Variants in ACSBG2 observed in about 807,000 individuals in gnomAD.
ACSBG2 encodes acyl-CoA synthetase bubblegum family member 2, also known as long-chain-fatty-acid--CoA ligase ACSBG2.
ACSBG2 carries 62 observed loss-of-function variants against 74.7 expected under a neutral mutation model. That is an observed-to-expected ratio of 0.83 (90% confidence interval 0.68 to 1.03). ACSBG2 has a LOEUF of 1.03. Among genes scored for constraint, ACSBG2 ranks in the 50% least tolerant of loss-of-function variants. ACSBG2 has a pLI of 0.00. For synonymous variants in ACSBG2, 309 were observed against 294.1 expected, an observed-to-expected ratio of 1.05 and a Z score of -0.52; for missense variants, 730 against 817.6, an observed-to-expected ratio of 0.89 and a Z score of 1.31.
chr19:6,173,089 C>T (rs2090004968), intron 7 of ACSBG2, among the ~76,000 whole-genome samples: 1 of 152,180 alleles, frequency 6.6e-6, no homozygotes, highest in Non-Finnish European at 1.5e-5. Context: ...GTGGTTTGTG[C>T]CACACCCACA....
At chr19:6,159,734 T>A (rs941579751) in intron 5 of ACSBG2, among the ~76,000 whole-genome samples, 1 of 152,170 alleles carries the variant, frequency 6.6e-6, no homozygotes, top group Non-Finnish European at 1.5e-5. Context: ...TGGAGTTAAA[T>A]AAACTCCAAA....
intron 1 of ACSBG2, among the ~76,000 whole-genome samples, chr19:6,140,640 A>T (rs58477671): frequency 0.03 from 4,612 of 152,232 alleles, 213 homozygotes; most frequent in African/African-American, 0.1. Flanking sequence ...AGATTGTGTC[A>T]CTGCACTCCA....
intron 7 of ACSBG2, among the ~76,000 whole-genome samples, chr19:6,170,914 A>C (rs1826748497): frequency 6.6e-6 from 1 of 151,604 alleles, no homozygotes; most frequent in Non-Finnish European, 1.5e-5. Context: ...TGATGTTGGG[A>C]GGGTGGTTAG....
chr19:6,186,444 A>G (rs2090410694), intron 11 of ACSBG2, among the ~76,000 whole-genome samples: 1 of 152,260 alleles, frequency 6.6e-6, no homozygotes, highest in Non-Finnish European at 1.5e-5. Context: ...TACAAAATTG[A>G]ATAGTGGCCT....
intron 4 of ACSBG2, among the ~76,000 whole-genome samples, chr19:6,153,179 G>A (rs919138801): frequency 2.0e-5 from 3 of 152,082 alleles, no homozygotes; most frequent in African/African-American, 7.2e-5. Flanking sequence ...CCAGGAGGCC[G>A]AGCCTGCAGT....
chr19:6,189,809 A>T (rs1345418678), intron 13 of ACSBG2: 1 of 151,856 alleles, frequency 6.6e-6, no homozygotes, highest in Non-Finnish European at 1.5e-5. Context: ...CCCAGGTTCA[A>T]GCGATTTTCC....
At chr19:6,179,785 G>T (rs1302169274) in intron 8 of ACSBG2, among the ~76,000 whole-genome samples, 1 of 151,938 alleles carries the variant, frequency 6.6e-6, no homozygotes, top group East Asian at 1.9e-4. Flanking sequence ...GCTAATTTTT[G>T]TATTTTTAGT....
rs539662312 is a variant in ACSBG2, at chr19:6,180,167, G to C, written c.907-2584G>C. On this transcript the variant is annotated intron_variant, in intron 8 of 14. Coordinates refer to ENST00000588485, the MANE Select transcript of ACSBG2 (RefSeq NM_030924.5). The surrounding 1 kb of genome is among the most constrained non-coding windows in gnomAD (Gnocchi z 4.3). ...TTGGGCCACCCAGATCATCCAGGAT[G>C]ATCTCCCATCTCAAGATTCTTAACT... 1.3e-5 allele frequency among the ~76,000 whole-genome samples: 2 copies of C among 152,190 alleles called. No homozygotes were observed. Among genetic ancestry groups the C allele is most frequent in the East Asian group, 3.9e-4 (2 of 5,184 alleles).
intron 1 of ACSBG2, among the ~76,000 whole-genome samples, chr19:6,140,991 T>C (rs2088806520): frequency 6.6e-6 from 1 of 152,320 alleles, no homozygotes; most frequent in African/African-American, 2.4e-5. Context: ...CAGGGTTCTT[T>C]ACATATGAGG....
intron 2 of ACSBG2, among the ~76,000 whole-genome samples, chr19:6,141,943 C>A (rs2088857768): frequency 6.6e-6 from 1 of 152,254 alleles, no homozygotes; most frequent in East Asian, 1.9e-4. Flanking sequence ...GTTCCCCAGG[C>A]TGGTCTTGAA....
At chr19:6,185,710 T>C in intron 11 of ACSBG2, 57 bp downstream of exon 11, 2 of 1,589,832 alleles carry the variant, frequency 1.3e-6, no homozygotes, top group South Asian at 2.2e-5. Flanking sequence ...CCTGAACATT[T>C]AAGGGCCCAG....
chr19:6,145,922 C>T (rs184617432), intron 2 of ACSBG2, among the ~76,000 whole-genome samples: 1 of 152,278 alleles, frequency 6.6e-6, no homozygotes, highest in East Asian at 1.9e-4. Flanking sequence ...ATTTGCTCCA[C>T]CATTTTTGTG....
intron 5 of ACSBG2, among the ~76,000 whole-genome samples, 172 bp from the exon 6 acceptor site, chr19:6,161,043 T>C (rs1274712705): frequency 4.0e-5 from 6 of 149,030 alleles, no homozygotes; most frequent in Non-Finnish European, 8.9e-5. Flanking sequence ...GAGGTTGCAG[T>C]GAGCCGAGAT....
At chr19:6,153,162 C>T (rs912573241) in intron 4 of ACSBG2, among the ~76,000 whole-genome samples, 6 of 152,100 alleles carry the variant, frequency 3.9e-5, no homozygotes, top group East Asian at 1.9e-4. Context: ...AGGAGAATGG[C>T]GTGAACCCAG....
chr19:6,185,515 G>A lies in ACSBG2; in HGVS notation c.1402G>A (p.Gly468Ser). 1 of 1,614,170 alleles carries A rather than the reference G, an allele frequency of 6.2e-7. No homozygotes were observed. Among genetic ancestry groups the A allele is most frequent in the Non-Finnish European group, 8.5e-7 (1 of 1,180,020 alleles). The change falls in exon 11 of 15, where the codon GGT becomes AGT. Residue 468 changes from glycine (G) to serine (S), a missense_variant. Gly to Ser is a moderately conservative substitution (Grantham distance 56, BLOSUM62 0). Transcript: ENST00000588485. ...TGGCATTGGGGAGATCTGCCTCTGG[G>A]GTAGGCACATCTTCATGGGCTATCT... Reference protein sequence around the residue: ...KDGIGEICLWGRHIFMGYLES... With the variant: ...KDGIGEICLWSRHIFMGYLES...
At chr19:6,144,029 G>C (rs1023112265) in intron 2 of ACSBG2, among the ~76,000 whole-genome samples, 1 of 151,906 alleles carries the variant, frequency 6.6e-6, no homozygotes, top group Admixed American at 6.6e-5. Context: ...ATGGAGTCTC[G>C]CTCTGTTGCC....
chr19:6,158,372 T>C (rs545268338), intron 5 of ACSBG2, among the ~76,000 whole-genome samples: 2 of 152,230 alleles, frequency 1.3e-5, no homozygotes, highest in South Asian at 4.1e-4. Context: ...TACAATTTTC[T>C]TTTGCATTGT....
Position 6,152,352 on chromosome 19 carries a change from G to A in ACSBG2, c.386+557G>A, listed in dbSNP as rs1238818979. Among the ~76,000 whole-genome samples, 18 of 28,302 alleles carry A rather than the reference G, an allele frequency of 6.4e-4. 6 individuals are homozygous for A. The highest frequency in any genetic ancestry group is 8.0e-4 in the Non-Finnish European group (9 of 11,252). The allele number at this position is 28,302 out of a possible 152,430, so 18.6% of individuals were successfully genotyped here. On this transcript the variant is annotated intron_variant, in intron 4 of 14. Transcript: ENST00000588485. ...AGGCCGGACTGCGGACTGCAGTGGC[G>A]CAATCTCGGCTCACTGCAAGCTCCG...
In ACSBG2 at chr19:6,192,885, T is replaced by C. The variant is rs568497853; in HGVS notation, c.*253T>C. 23 of 152,308 alleles carry C rather than the reference T, an allele frequency of 1.5e-4. No homozygotes were observed. Among genetic ancestry groups the C allele is most frequent in the African/African-American group, 4.3e-4 (18 of 41,568 alleles). The allele number at this position is 152,308 out of a possible 1,614,324, so 9.4% of individuals were successfully genotyped here. A position where few individuals can be genotyped will look rare whatever the true frequency, so the allele number is the denominator to read the frequency against. ...CAAGTCATGACTCCAGGGAAGCCTATTGGGAAGTCTACTAAAAACTGCCTG... is the reference window on the plus strand; with the variant it reads ...CAAGTCATGACTCCAGGGAAGCCTACTGGGAAGTCTACTAAAAACTGCCTG... On this transcript the variant is annotated 3_prime_UTR_variant, in exon 15 of 15. Transcript: ENST00000588485.
Sources: gnomAD v4.1 joint callset for allele counts (sites outside exome capture counted in the v4.1 genomes callset) on GRCh38, gnomAD v4.1.1 for gene constraint, Gnocchi (gnomAD v3.1) non-coding constraint, MANE v1.5 for transcripts, NCBI Gene and HGNC (gene_info 2026-07-23, HGNC 2026-07-21) for gene names.